Variants in TTC29 observed in about 807,000 individuals in gnomAD.
The protein encoded by TTC29 is tetratricopeptide repeat protein 29.
Under a neutral mutation model 58.1 loss-of-function variants are expected in TTC29, and 49 were observed. The observed-to-expected ratio is 0.84, with a 90% CI of 0.67 to 1.07. TTC29 has a LOEUF of 1.07. Among genes scored for constraint, TTC29 ranks in the 50% least tolerant of loss-of-function variants. The probability of loss-of-function intolerance (pLI) is 0.00; values close to 1 mark genes in which losing one functional copy is unlikely to be tolerated. For missense variants in TTC29, 582 were observed against 555.6 expected, an observed-to-expected ratio of 1.05 and a Z score of -0.48; for synonymous variants, 209 against 196.8, an observed-to-expected ratio of 1.06 and a Z score of -0.52.
intron 11 of TTC29, among the ~76,000 whole-genome samples, chr4:146,786,604 T>C (rs1385856254): frequency 6.6e-6 from 1 of 152,184 alleles, no homozygotes; most frequent in Admixed American, 6.5e-5. Context: ...CGTAATTGGT[T>C]CCACAACTCT....
chr4:146,764,728 C>T (rs1195903535), intron 11 of TTC29, among the ~76,000 whole-genome samples: 1 of 151,960 alleles, frequency 6.6e-6, no homozygotes, highest in Non-Finnish European at 1.5e-5. Context: ...GGGATCACTG[C>T]CAGACTTAGG....
chr4:146,809,229 A>C (rs986377127), intron 10 of TTC29, among the ~76,000 whole-genome samples: 1 of 150,004 alleles, frequency 6.7e-6, no homozygotes, highest in Non-Finnish European at 1.5e-5. Context: ...CTTATACAAA[A>C]ATTAACTCAA....
chr4:146,708,314 A>ATATATATATATATACATGTATGTGTGTG (rs1297737464), intron 11 of TTC29, among the ~76,000 whole-genome samples: 6 of 20,840 alleles, frequency 2.9e-4, no homozygotes, highest in African/African-American at 5.9e-4. Flanking sequence ...AAGTTTATAT[A>ATATATATATATATACATGTATGTGTGTG]TATATATATA....
At chr4:146,936,119 G>C (rs1204277727) in intron 4 of TTC29, among the ~76,000 whole-genome samples, 1 of 152,180 alleles carries the variant, frequency 6.6e-6, no homozygotes, top group Non-Finnish European at 1.5e-5. Flanking sequence ...GAATATTGTA[G>C]TAAGGCCTGA....
chr4:146,842,704 C>A (rs940743131), intron 8 of TTC29, among the ~76,000 whole-genome samples: 1 of 152,066 alleles, frequency 6.6e-6, no homozygotes, highest in African/African-American at 2.4e-5. Flanking sequence ...GTCAGCATAG[C>A]TAATATTGTG....
At chr4:146,714,532 T>C (rs1742776013) in intron 11 of TTC29, among the ~76,000 whole-genome samples, 1 of 150,652 alleles carries the variant, frequency 6.6e-6, no homozygotes, top group South Asian at 2.1e-4. Flanking sequence ...TGCTGAAGAC[T>C]ATAAACCCAT....
At chr4:146,782,541 T>G (rs1202972374) in intron 11 of TTC29, among the ~76,000 whole-genome samples, 1 of 151,946 alleles carries the variant, frequency 6.6e-6, no homozygotes, top group African/African-American at 2.4e-5. Flanking sequence ...GAGAAATAAG[T>G]TAGGGCATAC....
At chr4:146,913,446 GTATTTCAGAAA>G (rs1219564338) in intron 4 of TTC29, among the ~76,000 whole-genome samples, 1 of 151,900 alleles carries the variant, frequency 6.6e-6, no homozygotes, top group Non-Finnish European at 1.5e-5. Flanking sequence ...CATTCTAAAA[GTATTTCAGAAA>G]TAACCAATCC....
chr4:146,716,432 A>G (rs1742935644), intron 11 of TTC29, among the ~76,000 whole-genome samples: 1 of 152,046 alleles, frequency 6.6e-6, no homozygotes. Flanking sequence ...GTAATGCTTT[A>G]TTGAGGTATG....
At chr4:146,934,200 T>G (rs1735573652) in intron 4 of TTC29, 2 of 152,100 alleles carry the variant, frequency 1.3e-5, no homozygotes, top group South Asian at 4.1e-4. Context: ...GGAAGAGCAG[T>G]TATATGACCA....
intron 7 of TTC29, among the ~76,000 whole-genome samples, chr4:146,874,361 A>G (rs998384307): frequency 2.0e-5 from 3 of 152,176 alleles, no homozygotes; most frequent in African/African-American, 7.2e-5. Flanking sequence ...AAACAATGAA[A>G]GGTCTCTAAG....
At chr4:146,797,455 T>G (rs369917962) in intron 11 of TTC29, among the ~76,000 whole-genome samples, 7 of 152,194 alleles carry the variant, frequency 4.6e-5, no homozygotes, top group Non-Finnish European at 8.8e-5. Context: ...CTCTCAGCTT[T>G]TATATGGTTG....
intron 11 of TTC29, among the ~76,000 whole-genome samples, chr4:146,802,767 A>G (rs1167927994): frequency 6.6e-6 from 1 of 152,184 alleles, no homozygotes; most frequent in Admixed American, 6.5e-5. Context: ...AAATAAAAGA[A>G]CTCTAAAGGC....
At chr4:146,744,226 A>AAG (rs150088714) in intron 11 of TTC29, among the ~76,000 whole-genome samples, 9 of 151,322 alleles carry the variant, frequency 5.9e-5, no homozygotes, top group South Asian at 2.1e-4. Flanking sequence ...GCGTACGTGT[A>AAG]AGAGAGAGAG....
At chr4:146,817,956 G>T (rs1259790734) in intron 10 of TTC29, among the ~76,000 whole-genome samples, 1 of 152,044 alleles carries the variant, frequency 6.6e-6, no homozygotes, top group Admixed American at 6.5e-5. Flanking sequence ...AGACTTAAAC[G>T]TTAGACCTAA....
At chr4:146,767,990 C>A (rs1561106128) in intron 11 of TTC29, among the ~76,000 whole-genome samples, 1 of 151,992 alleles carries the variant, frequency 6.6e-6, no homozygotes, top group South Asian at 2.1e-4. Context: ...TTCCATGATT[C>A]TATGAACATA....
At chr4:146,791,271 T>C (rs985027661) in intron 11 of TTC29, among the ~76,000 whole-genome samples, 11 of 152,208 alleles carry the variant, frequency 7.2e-5, no homozygotes, top group Admixed American at 5.2e-4. Flanking sequence ...TTTAAGCAAG[T>C]CTATCAACAC....
rs1311436844 is a variant in TTC29 at position 146,940,990 on chromosome 4, C to A, written c.-6-1089G>T. Among the ~76,000 whole-genome samples, 6 of 152,156 alleles carry A rather than the reference C, an allele frequency of 3.9e-5. No homozygotes were observed. In the South Asian group the frequency reaches 1.2e-3, roughly 32 times the overall value. ...TGGCATGGGAGATATTATTGCAGCC[C>A]TTTTTGGAAAATGCAGTGTGCCAGA... is the stretch of plus-strand genomic sequence containing the variant. On this transcript the variant is annotated intron_variant, in intron 2 of 12. Transcript: ENST00000325106.
chr4:146,763,007 T>G (rs1747022249), intron 11 of TTC29, among the ~76,000 whole-genome samples: 1 of 152,040 alleles, frequency 6.6e-6, no homozygotes. Flanking sequence ...AGTCAATTCC[T>G]TTGCATTTTT....
Sources: allele counts gnomAD v4.1 joint callset (sites outside exome capture counted in the v4.1 genomes callset), GRCh38; gene constraint gnomAD v4.1.1; transcripts MANE v1.5; gene names NCBI Gene and HGNC (gene_info 2026-07-23, HGNC 2026-07-21).